Variants in EDA observed in about 807,000 individuals in gnomAD.
EDA encodes the protein ectodysplasin A, also known as ectodysplasin-A.
In EDA, 2 loss-of-function variants were observed where a neutral mutation model predicts 23.6. The observed-to-expected ratio is 0.08, with a 90% confidence interval of 0.03 to 0.27. EDA has a LOEUF of 0.27. Ranked by LOEUF, EDA falls within the 10% of genes least tolerant of loss-of-function variation. EDA has a pLI of 1.00. For missense variants in EDA, 229 were observed against 324.2 expected (o/e 0.71, Z 2.26); for synonymous variants, 131 against 132.0 (o/e 0.99, Z 0.05).
intron 1 of EDA, among the ~76,000 whole-genome samples, chrX:69,799,120 G>A (rs997874541): frequency 9.0e-6 from 1 of 111,287 alleles, no homozygotes; most frequent in Non-Finnish European, 1.9e-5. Flanking sequence ...GAATGACACT[G>A]GGAAATCTGG....
intron 2 of EDA, among the ~76,000 whole-genome samples, chrX:70,020,353 A>G (rs1485407909): frequency 1.8e-5 from 2 of 111,227 alleles, no homozygotes; most frequent in Non-Finnish European, 3.8e-5. Flanking sequence ...GTCAGGAGAT[A>G]GAGACCATCC....
intron 1 of EDA, among the ~76,000 whole-genome samples, chrX:69,869,014 A>G (rs1276437844): frequency 1.8e-5 from 2 of 111,783 alleles, no homozygotes; most frequent in African/African-American, 6.5e-5. Flanking sequence ...CAAGACCTTG[A>G]TGGTGGCACT....
At chrX:69,766,161 C>T (rs767994629) in intron 1 of EDA, among the ~76,000 whole-genome samples, 2 of 111,867 alleles carry the variant, frequency 1.8e-5, no homozygotes, top group Non-Finnish European at 3.8e-5. Flanking sequence ...TTCACTGATT[C>T]TTTTCTCCTG....
At chrX:69,677,333 G>T (rs922680372) in intron 1 of EDA, among the ~76,000 whole-genome samples, 1 of 109,868 alleles carries the variant, frequency 9.1e-6, no homozygotes, top group Non-Finnish European at 1.9e-5. Flanking sequence ...TAGTCCTTTG[G>T]GTATATACCC....
At chrX:69,857,970 G>A (rs955237650) in intron 1 of EDA, among the ~76,000 whole-genome samples, 1 of 111,577 alleles carries the variant, frequency 9.0e-6, no homozygotes, top group Admixed American at 9.6e-5. Flanking sequence ...TGTATTCCTA[G>A]GTATTTTATT....
intron 1 of EDA, among the ~76,000 whole-genome samples, chrX:69,718,995 A>G (rs952678030): frequency 8.9e-6 from 1 of 111,741 alleles, no homozygotes; most frequent in African/African-American, 3.2e-5. Context: ...AAGTCTACTC[A>G]GATTATCTAT....
intron 1 of EDA, among the ~76,000 whole-genome samples, chrX:69,820,873 A>G (rs2016202348): frequency 8.9e-6 from 1 of 111,794 alleles, no homozygotes; most frequent in African/African-American, 3.3e-5. Context: ...TGACCCAGTA[A>G]TCCCATTACT....
At chrX:69,798,012 C>T (rs1043882433) in intron 1 of EDA, among the ~76,000 whole-genome samples, 1 of 111,617 alleles carries the variant, frequency 9.0e-6, no homozygotes, top group East Asian at 2.8e-4. Context: ...CAAAAGTGAG[C>T]AGGAGTAGCT....
chrX:69,942,980 G>A (rs2018783308), intron 1 of EDA, among the ~76,000 whole-genome samples: 1 of 110,490 alleles, frequency 9.1e-6, no homozygotes, highest in African/African-American at 3.3e-5. Flanking sequence ...CTGCTAGTAA[G>A]AGACTCTGAT....
intron 1 of EDA, chrX:69,670,337 T>C: frequency 2.7e-6 from 1 of 365,200 alleles, no homozygotes. Context: ...TAAAGTTTTC[T>C]CTTTGACTTT....
At chrX:69,769,058 C>T (rs147697262) in intron 1 of EDA, among the ~76,000 whole-genome samples, 1,727 of 111,667 alleles carry the variant, frequency 0.015, 31 homozygotes, top group African/African-American at 0.054. Flanking sequence ...CTTTGTGCCA[C>T]TTGCATTTTT....
intron 1 of EDA, among the ~76,000 whole-genome samples, chrX:69,862,101 A>G (rs1477771809): frequency 9.0e-6 from 1 of 111,658 alleles, no homozygotes; most frequent in African/African-American, 3.3e-5. Context: ...TGCTGTTAGG[A>G]AGACTACAGT....
At chrX:69,982,984 T>C (rs1381517308) in intron 2 of EDA, among the ~76,000 whole-genome samples, 2 of 20,716 alleles carry the variant, frequency 9.7e-5, no homozygotes, top group Non-Finnish European at 1.8e-4. Context: ...GCTCCTCTTG[T>C]TGAATTGATC....
chrX:69,790,577 G>A (rs1189781686), intron 1 of EDA, among the ~76,000 whole-genome samples: 2 of 111,196 alleles, frequency 1.8e-5, no homozygotes, highest in Non-Finnish European at 3.8e-5. Flanking sequence ...GAATATTTGG[G>A]CCCAAAAGTA....
chrX:69,804,208 C>T (rs1208992347), intron 1 of EDA, among the ~76,000 whole-genome samples: 3 of 111,028 alleles, frequency 2.7e-5, no homozygotes, highest in South Asian at 7.6e-4. Context: ...TATGGTAGTT[C>T]TATTTTTAAT....
chrX:69,954,748 A>G (rs1241424392), intron 1 of EDA, among the ~76,000 whole-genome samples: 1 of 111,412 alleles, frequency 9.0e-6, no homozygotes, highest in East Asian at 2.8e-4. Context: ...GGCGTTTGTT[A>G]TACAAATTAT....
chrX:69,977,722 CCT>C (rs2019337289), intron 2 of EDA, among the ~76,000 whole-genome samples: 1 of 111,647 alleles, frequency 9.0e-6, no homozygotes, highest in African/African-American at 3.3e-5. Flanking sequence ...AAAAATGTGT[CCT>C]GTTTATGGAG....
At chrX:69,619,587 A>G (rs945469257) in intron 1 of EDA, among the ~76,000 whole-genome samples, 1 of 112,144 alleles carries the variant, frequency 8.9e-6, no homozygotes, top group Non-Finnish European at 1.9e-5. Flanking sequence ...GCTGATGATG[A>G]AGTGAGAGAG....
intron 1 of EDA, among the ~76,000 whole-genome samples, chrX:69,878,443 T>C (rs184112478): frequency 0.015 from 1,637 of 112,282 alleles, 22 homozygotes; most frequent in African/African-American, 0.048. Context: ...TCAACAGCCA[T>C]CTCAGAGGAC....
Sources: allele counts gnomAD v4.1 joint callset (sites outside exome capture counted in the v4.1 genomes callset), GRCh38; gene constraint gnomAD v4.1.1; transcripts MANE v1.5; gene names NCBI Gene and HGNC (gene_info 2026-07-23, HGNC 2026-07-21).